The following RBBP8 variants were observed in gnomAD, a reference collection of about 807,000 sequenced individuals.
RBBP8 encodes RB binding protein 8, endonuclease, also known as DNA endonuclease RBBP8.
In RBBP8, 88 loss-of-function variants were observed where a neutral mutation model predicts 108.3. The observed-to-expected ratio is 0.81, with a 90% CI of 0.68 to 0.97. RBBP8 has a LOEUF of 0.97. Among genes scored for constraint, RBBP8 ranks in the 50% least tolerant of loss-of-function variants. The probability of loss-of-function intolerance (pLI) is 0.00; values close to 1 mark genes in which losing one functional copy is unlikely to be tolerated. For synonymous variants in RBBP8, 332 were observed against 348.2 expected, an observed-to-expected ratio of 0.95 and a Z score of 0.52; for missense variants, 1,023 against 1,049.0, an observed-to-expected ratio of 0.98 and a Z score of 0.34.
At chr18:22,985,579 A>T (rs1351704033) in intron 8 of RBBP8, among the ~76,000 whole-genome samples, 1 of 152,066 alleles carries the variant, frequency 6.6e-6, no homozygotes, top group Non-Finnish European at 1.5e-5. Flanking sequence ...GAGCAGAGTG[A>T]GTAAAGGGGA....
chr18:22,954,753 G>A (rs543173221), intron 4 of RBBP8, among the ~76,000 whole-genome samples: 1 of 152,248 alleles, frequency 6.6e-6, no homozygotes, highest in Admixed American at 6.5e-5. Flanking sequence ...TGGTTGGGGA[G>A]GCCTCAGAAA....
intron 3 of RBBP8, among the ~76,000 whole-genome samples, chr18:22,918,011 A>C (rs1222783581): frequency 6.6e-6 from 1 of 151,994 alleles, no homozygotes; most frequent in African/African-American, 2.4e-5. Context: ...AAAAAAAAAA[A>C]AAACATATAA....
chr18:23,023,869 C>CTTTTTTTTTTTT (rs10655759), intron 18 of RBBP8, among the ~76,000 whole-genome samples: 1 of 86,122 alleles, frequency 1.2e-5, no homozygotes, highest in Non-Finnish European at 2.0e-5. Flanking sequence ...ATGAAGGGGC[C>CTTTTTTTTTTTT]TTTTTTTTTT....
intron 5 of RBBP8, 87 bp from the exon 6 acceptor site, chr18:22,975,066 A>G (rs1567971438): frequency 7.1e-7 from 1 of 1,418,368 alleles, no homozygotes; most frequent in Non-Finnish European, 9.5e-7. Flanking sequence ...TAATTTCTTC[A>G]TACATGCTGA....
chr18:22,951,236 A>G (rs1319886951), intron 4 of RBBP8, among the ~76,000 whole-genome samples: 1 of 152,206 alleles, frequency 6.6e-6, no homozygotes, highest in East Asian at 1.9e-4. Context: ...TTTTCCTAGT[A>G]TGTCATGGAT....
upstream of RBBP8, chr18:22,929,413 A>G (rs1475627476): frequency 1.3e-5 from 2 of 151,008 alleles, no homozygotes; most frequent in Admixed American, 1.3e-4. Context: ...GGTTGATGGT[A>G]GCTTGAACCA....
At chr18:22,975,284 G>GT (rs1914420931) in intron 6 of RBBP8, 65 bp downstream of exon 6, 2 of 1,576,504 alleles carry the variant, frequency 1.3e-6, no homozygotes, top group African/African-American at 1.4e-5. Flanking sequence ...GAAGATAACT[G>GT]TAAGAGTTGC....
chr18:22,950,727 C>G (rs940711874), intron 4 of RBBP8, among the ~76,000 whole-genome samples: 3 of 152,064 alleles, frequency 2.0e-5, no homozygotes, highest in African/African-American at 7.2e-5. Context: ...TCAAAACCAG[C>G]GTCGCAGTAT....
intron 6 of RBBP8, among the ~76,000 whole-genome samples, chr18:22,981,510 T>C (rs917728260): frequency 1.1e-4 from 17 of 152,186 alleles, no homozygotes; most frequent in African/African-American, 4.1e-4. Flanking sequence ...ATGAAAGTAG[T>C]AATACCTCAC....
chr18:22,966,751 G>A (rs996565896), intron 4 of RBBP8, among the ~76,000 whole-genome samples: 1 of 132,496 alleles, frequency 7.5e-6, no homozygotes, highest in Non-Finnish European at 1.6e-5. Context: ...TGGAGAGAGA[G>A]AGTCTTACTC....
At chr18:22,969,364 AGT>A (rs1283403832) in intron 5 of RBBP8, among the ~76,000 whole-genome samples, 1 of 151,960 alleles carries the variant, frequency 6.6e-6, no homozygotes, top group East Asian at 1.9e-4. Flanking sequence ...TTACCTATTG[AGT>A]GTAGAGTTTT....
chr18:22,920,879 A>C (rs2144335609), intron 3 of RBBP8: 1 of 152,336 alleles, frequency 6.6e-6, no homozygotes, highest in East Asian at 1.9e-4. Context: ...TGCCTATAAC[A>C]GAGAATGAGC....
At chr18:22,921,183 C>A (rs897776648) in intron 3 of RBBP8, among the ~76,000 whole-genome samples, 3 of 152,126 alleles carry the variant, frequency 2.0e-5, no homozygotes, top group African/African-American at 7.2e-5. Context: ...CACCCAGAAA[C>A]AGGAGTAAGG....
At chr18:22,920,404 G>T (rs971794294) in intron 3 of RBBP8, among the ~76,000 whole-genome samples, 23 of 152,296 alleles carry the variant, frequency 1.5e-4, no homozygotes, top group African/African-American at 5.3e-4. Context: ...ACAGTTCATT[G>T]TGTTAAAGAC....
At chr18:22,960,314 G>A (rs1912976955) in intron 4 of RBBP8, among the ~76,000 whole-genome samples, 1 of 152,250 alleles carries the variant, frequency 6.6e-6, no homozygotes, top group Non-Finnish European at 1.5e-5. Flanking sequence ...CAGCATGGGA[G>A]GCCAAGTAGG....
At chr18:22,953,318 C>A (rs755091957) in intron 4 of RBBP8, among the ~76,000 whole-genome samples, 106 of 152,206 alleles carry the variant, frequency 7.0e-4, no homozygotes, top group Non-Finnish European at 1.2e-3. Flanking sequence ...GGATTTTATT[C>A]TCCTACTGTG....
In RBBP8 at chr18:22,989,276, A is replaced by C. The variant is rs1915525798; in HGVS notation, c.765A>C (p.Thr255=). The C allele has an allele frequency of 6.2e-7, 1 of 1,611,552 alleles. No individual in the cohort carries two copies. The highest frequency in any genetic ancestry group is 8.5e-7 in the Non-Finnish European group (1 of 1,177,918). The change falls in exon 9 of 19, where the codon ACA becomes ACC. Residue 255 remains threonine, a synonymous_variant. Transcript: ENST00000327155. ...TPDKSSFNLA[T]VVAETLGLGV... ...ATAAGTCATCTTTTAATTTAGCTACAGTTGTTGCTGAAACACTTGGACTTG... is the reference window on the plus strand; with the variant it reads ...ATAAGTCATCTTTTAATTTAGCTACCGTTGTTGCTGAAACACTTGGACTTG...
At chr18:22,983,658 TATGAAAGCAGC>T (rs56849797) in intron 7 of RBBP8, among the ~76,000 whole-genome samples, 14,788 of 73,388 alleles carry the variant, frequency 0.2, 1,361 homozygotes, top group Non-Finnish European at 0.34. Context: ...TTCTTCTTTG[TATGAAAGCAGC>T]ATGTAACTAT....
At chr18:23,021,891 C>T (rs949066346) in intron 17 of RBBP8, among the ~76,000 whole-genome samples, 1 of 151,714 alleles carries the variant, frequency 6.6e-6, no homozygotes, top group African/African-American at 2.4e-5. Context: ...GTGATACAAG[C>T]TCCTTTTCTC....
Sources: allele counts gnomAD v4.1 joint callset (sites outside exome capture counted in the v4.1 genomes callset), GRCh38; gene constraint gnomAD v4.1.1; transcripts MANE v1.5; gene names NCBI Gene and HGNC (gene_info 2026-07-23, HGNC 2026-07-21).